The following EPHB1 variants were observed in gnomAD, a reference collection of about 807,000 sequenced individuals.
EPHB1 encodes ephrin type-B receptor 1.
A neutral mutation model predicts 94.4 loss-of-function variants in EPHB1; 30 were observed. The observed-to-expected ratio is 0.32, with a 90% CI of 0.24 to 0.43. EPHB1 has a LOEUF of 0.43. Ranked by LOEUF, EPHB1 falls within the 20% of genes least tolerant of loss-of-function variation. The probability of loss-of-function intolerance (pLI) is 1.00; values close to 1 mark genes in which losing one functional copy is unlikely to be tolerated. For synonymous variants in EPHB1, 522 were observed against 489.1 expected (o/e 1.07, Z -0.89); for missense variants, 1,055 against 1,308.3 (o/e 0.81, Z 2.99).
At position 135,082,599 on chromosome 3, in the gene EPHB1, G is replaced by A. The variant is rs530001448; in HGVS notation, c.806-23849G>A. ...AGGAGACATGCCAACTGGAAAATGAGGAATACTTTCATGGATAGGGTGGAA... is the reference window on the plus strand; with the variant it reads ...AGGAGACATGCCAACTGGAAAATGAAGAATACTTTCATGGATAGGGTGGAA... On this transcript the variant is annotated intron_variant, in intron 3 of 15. Coordinates refer to ENST00000398015, the MANE Select transcript of EPHB1 (RefSeq NM_004441.5). Among the ~76,000 whole-genome samples, 20 of 152,260 alleles carry A rather than the reference G, an allele frequency of 1.3e-4. 1 individual carries two copies. In the South Asian group the frequency reaches 3.9e-3, roughly 30 times the overall value.
intron 1 of EPHB1, among the ~76,000 whole-genome samples, chr3:134,863,508 C>A (rs2037310105): frequency 6.6e-6 from 1 of 152,128 alleles, no homozygotes; most frequent in South Asian, 2.1e-4. Context: ...GCAGCAAATG[C>A]CAACTGGAAC....
intron 1 of EPHB1, among the ~76,000 whole-genome samples, chr3:134,882,741 T>TCTTTCTTC (rs2037761989): frequency 1.0e-5 from 1 of 100,450 alleles, no homozygotes; most frequent in African/African-American, 4.8e-5. Context: ...CTTCTTTCCT[T>TCTTTCTTC]CTTTCTTCCT....
rs1576465240 is a variant in EPHB1 at position 135,201,667 on chromosome 3, A to T, written c.2324A>T (p.Asp775Val). The change falls in exon 12 of 16, where the codon GAT (aspartate) becomes GTT (valine). Residue 775 changes from aspartate to valine, a missense_variant. Physicochemically the swap from Asp to Val is radical, Grantham distance 152. Transcript: ENST00000398015. ...CGCTACCTCCAGGATGACACCTCAG[A>T]TCCCACCTACACCAGCTCCTTGGTG... The part of the protein sequence containing the change: ...LSRYLQDDTS[D>V]PTYTSSLGGK... 2 of 1,613,792 alleles carry T rather than the reference A, an allele frequency of 1.2e-6. No individual in the cohort carries two copies. Among genetic ancestry groups the T allele is most frequent in the Non-Finnish European group, 1.7e-6 (2 of 1,179,910 alleles).
intron 1 of EPHB1, among the ~76,000 whole-genome samples, chr3:134,912,805 G>A (rs1256387375): frequency 3.9e-5 from 6 of 152,190 alleles, no homozygotes; most frequent in Non-Finnish European, 7.3e-5. Flanking sequence ...AGAGGTCTTG[G>A]GGTCCCCAGC....
intron 3 of EPHB1, among the ~76,000 whole-genome samples, chr3:135,030,278 C>T (rs1936384984): frequency 6.6e-6 from 1 of 152,176 alleles, no homozygotes; most frequent in South Asian, 2.1e-4. Flanking sequence ...GAGCTGCGTT[C>T]CTTTGCAGGA....
intron 15 of EPHB1, among the ~76,000 whole-genome samples, chr3:135,253,146 C>T (rs1422479268): frequency 6.7e-6 from 1 of 149,476 alleles, no homozygotes; most frequent in Non-Finnish European, 1.5e-5. Flanking sequence ...TGAAAATTTT[C>T]TCCCATTTTG....
At chr3:135,136,618 G>A (rs1940628667) in intron 5 of EPHB1, among the ~76,000 whole-genome samples, 2 of 152,200 alleles carry the variant, frequency 1.3e-5, no homozygotes, top group Admixed American at 1.3e-4. Context: ...TCCCTAGGCT[G>A]CAGATATTTC....
At chr3:135,146,450 G>T (rs972098553) in intron 5 of EPHB1, among the ~76,000 whole-genome samples, 3 of 152,230 alleles carry the variant, frequency 2.0e-5, no homozygotes, top group African/African-American at 7.2e-5. Context: ...AGAGGCAGTG[G>T]CAGGGCCATG....
chr3:134,839,139 G>A (rs2108295961), intron 1 of EPHB1, among the ~76,000 whole-genome samples: 1 of 152,234 alleles, frequency 6.6e-6, no homozygotes, highest in Non-Finnish European at 1.5e-5. Flanking sequence ...ACACATGCAG[G>A]GAAGTTAACA....
At chr3:134,974,082 C>A (rs1398542791) in intron 3 of EPHB1, among the ~76,000 whole-genome samples, 2 of 152,120 alleles carry the variant, frequency 1.3e-5, no homozygotes, top group Non-Finnish European at 2.9e-5. Flanking sequence ...GGAGGAATAT[C>A]CCATTTCTCT....
At chr3:135,139,621 G>A (rs1651800943) in intron 5 of EPHB1, among the ~76,000 whole-genome samples, 1 of 152,184 alleles carries the variant, frequency 6.6e-6, no homozygotes, top group African/African-American at 2.4e-5. Context: ...ACTGAGACTG[G>A]GATCAGAGGC....
At chr3:135,105,479 A>T (rs993803646) in intron 3 of EPHB1, among the ~76,000 whole-genome samples, 2 of 152,076 alleles carry the variant, frequency 1.3e-5, no homozygotes, top group Non-Finnish European at 2.9e-5. Context: ...GGCCTTGGGG[A>T]AGTAGGGTAG....
intron 4 of EPHB1, among the ~76,000 whole-genome samples, chr3:135,118,706 C>T (rs928506991): frequency 6.6e-6 from 1 of 152,110 alleles, no homozygotes; most frequent in African/African-American, 2.4e-5. Context: ...TAGTTATGTG[C>T]TCTCCATGCA....
At chr3:134,829,353 G>A (rs778736070) in intron 1 of EPHB1, among the ~76,000 whole-genome samples, 2 of 152,108 alleles carry the variant, frequency 1.3e-5, no homozygotes, top group Admixed American at 6.5e-5. Flanking sequence ...GGGGGTGGTT[G>A]AGTGGAGGAC....
rs767191005 is a variant in EPHB1, at chr3:135,241,312, C to T, written c.2496+15C>T. 3 of 1,614,056 alleles carry T rather than the reference C, an allele frequency of 1.9e-6. No individual in the cohort carries two copies. The highest frequency in any genetic ancestry group is 2.2e-5 in the South Asian group (2 of 91,084). ...CCAACCAAGATGTGAGTGTCAGCAG[C>T]ACTTGGTCACCACAAACCCCCATTG... On this transcript the variant is annotated intron_variant, in intron 13 of 15. Transcript: ENST00000398015.
chr3:135,049,228 A>G (rs972047265), intron 3 of EPHB1, among the ~76,000 whole-genome samples: 2 of 152,226 alleles, frequency 1.3e-5, no homozygotes, highest in Non-Finnish European at 2.9e-5. Context: ...TCTTTAAGCC[A>G]CTTAATGTGT....
Position 134,922,007 on chromosome 3 carries a change from G to C in EPHB1, c.59-3809G>C, listed in dbSNP as rs114916202. On this transcript the variant is annotated intron_variant, in intron 1 of 15. Transcript: ENST00000398015. ...CCAGCACTCTCTCCACCATGCGTGT[G>C]CCCTTCCCGGCGATCTCCCCTTGGG... 5.5e-3 allele frequency among the ~76,000 whole-genome samples: 845 copies of C among 152,304 alleles called. 10 individuals are homozygous for C. Among genetic ancestry groups the C allele is most frequent in the African/African-American group, 0.02 (811 of 41,552 alleles).
At chr3:135,217,985 C>T (rs1943195211) in intron 12 of EPHB1, among the ~76,000 whole-genome samples, 1 of 152,132 alleles carries the variant, frequency 6.6e-6, no homozygotes, top group Non-Finnish European at 1.5e-5. Flanking sequence ...CCCATAGCTC[C>T]TGGCAGTATT....
At chr3:135,059,764 G>C (rs1937442507) in intron 3 of EPHB1, among the ~76,000 whole-genome samples, 1 of 152,218 alleles carries the variant, frequency 6.6e-6, no homozygotes, top group Non-Finnish European at 1.5e-5. Context: ...AACTTGAACA[G>C]GCCCTGAGAC....
Sources: gnomAD v4.1 joint callset for allele counts (sites outside exome capture counted in the v4.1 genomes callset) on GRCh38, gnomAD v4.1.1 for gene constraint, MANE v1.5 for transcripts, NCBI Gene and HGNC (gene_info 2026-07-23, HGNC 2026-07-21) for gene names.